TRPM6: variants seen among roughly 807,000 people sequenced by gnomAD.
TRPM6 encodes the protein transient receptor potential cation channel subfamily M member 6, also known as channel kinase 2.
In TRPM6, 111 loss-of-function variants were observed where a neutral mutation model predicts 247.6. That is an observed-to-expected ratio of 0.45 (90% CI 0.38 to 0.52). TRPM6 has a LOEUF of 0.52. Among genes scored for constraint, TRPM6 ranks in the 20% least tolerant of loss-of-function variants. The probability of loss-of-function intolerance (pLI) is 0.00; values close to 1 mark genes in which losing one functional copy is unlikely to be tolerated. For missense variants in TRPM6, 2,126 were observed against 2,421.5 expected, an observed-to-expected ratio of 0.88 and a Z score of 2.56; for synonymous variants, 892 against 853.8, an observed-to-expected ratio of 1.04 and a Z score of -0.78.
intron 13 of TRPM6, 109 bp downstream of exon 13, chr9:74,810,706 T>G (rs988871334): frequency 9.1e-5 from 86 of 949,372 alleles, no homozygotes; most frequent in Non-Finnish European, 1.3e-4. Context: ...GATAGGTAAT[T>G]AACAAAACAA....
intron 1 of TRPM6, among the ~76,000 whole-genome samples, chr9:74,877,469 C>T (rs983591293): frequency 7.2e-5 from 11 of 152,128 alleles, no homozygotes; most frequent in African/African-American, 2.4e-4. Flanking sequence ...CACTGAGTTC[C>T]ACGCACACTA....
chr9:74,794,919 A>G (rs2118982228), intron 18 of TRPM6, among the ~76,000 whole-genome samples: 1 of 130,452 alleles, frequency 7.7e-6, no homozygotes, highest in Non-Finnish European at 1.6e-5. Context: ...AATCTGATAC[A>G]CAGATTAAAA....
chr9:74,785,238 G>A (rs1827603071), intron 21 of TRPM6, among the ~76,000 whole-genome samples: 1 of 152,150 alleles, frequency 6.6e-6, no homozygotes, highest in Non-Finnish European at 1.5e-5. Context: ...CACTGAGATG[G>A]GAGGATCCCT....
At chr9:74,781,353 C>T (rs1049381218) in intron 23 of TRPM6, among the ~76,000 whole-genome samples, 3 of 151,644 alleles carry the variant, frequency 2.0e-5, no homozygotes, top group South Asian at 2.1e-4. Flanking sequence ...CTGGTCAACA[C>T]GGTGAAACCC....
At chr9:74,834,242 G>T in intron 5 of TRPM6, 120 bp from the exon 6 acceptor site, 3 of 1,214,658 alleles carry the variant, frequency 2.5e-6, no homozygotes, top group Non-Finnish European at 3.6e-6. Context: ...AGGGAGAGTT[G>T]CTGGTACAGT....
At chr9:74,820,083 T>C (rs1342119852) in intron 9 of TRPM6, 1 of 543,900 alleles carries the variant, frequency 1.8e-6, no homozygotes, top group Non-Finnish European at 3.3e-6. Flanking sequence ...TGTGCCATGG[T>C]GGTTTGCTGC....
intron 1 of TRPM6, among the ~76,000 whole-genome samples, chr9:74,862,772 A>G (rs1383095724): frequency 1.3e-5 from 2 of 152,138 alleles, no homozygotes; most frequent in African/African-American, 2.4e-5. Context: ...ACTTGAGGTC[A>G]GGAGTTCGAG....
At chr9:74,774,262 G>A (rs1319785431) in intron 24 of TRPM6, among the ~76,000 whole-genome samples, 1 of 152,098 alleles carries the variant, frequency 6.6e-6, no homozygotes, top group Non-Finnish European at 1.5e-5. Context: ...TCTTTCATGT[G>A]GTACTAGGAA....
At chr9:74,879,724 C>A (rs914782601) in intron 1 of TRPM6, among the ~76,000 whole-genome samples, 4 of 152,140 alleles carry the variant, frequency 2.6e-5, no homozygotes, top group African/African-American at 4.8e-5. Flanking sequence ...GGGTGATATG[C>A]CCAGGGAGGC....
intron 19 of TRPM6, among the ~76,000 whole-genome samples, chr9:74,789,960 C>CAAAAA (rs71368680): frequency 2.0e-4 from 13 of 65,110 alleles, no homozygotes; most frequent in African/African-American, 8.4e-4. Flanking sequence ...GACTCCATCT[C>CAAAAA]AAAAAAAAAA....
chr9:74,727,381 C>CAAAAAAAA (rs763828073), intron 38 of TRPM6, among the ~76,000 whole-genome samples: 1 of 52,240 alleles, frequency 1.9e-5, no homozygotes, highest in Non-Finnish European at 4.0e-5. Flanking sequence ...GACTCCGTCT[C>CAAAAAAAA]AAAAAAAAAA....
At chr9:74,742,456 A>G in intron 33 of TRPM6, 105 bp downstream of exon 33, 2 of 1,161,990 alleles carry the variant, frequency 1.7e-6, no homozygotes, top group East Asian at 2.5e-5. Context: ...ACTATCAACA[A>G]AACAAAATTT....
At chr9:74,794,653 A>C (rs1333169704) in intron 18 of TRPM6, among the ~76,000 whole-genome samples, 2 of 152,132 alleles carry the variant, frequency 1.3e-5, no homozygotes, top group Non-Finnish European at 2.9e-5. Context: ...TTTTTCTAGG[A>C]GTGTTTCATT....
In TRPM6 at chr9:74,739,724, C is replaced by T. The variant is rs776010618; in HGVS notation, c.5486G>A (p.Arg1829Lys). 4 of 1,611,690 alleles carry T rather than the reference C, an allele frequency of 2.5e-6. No individual in the cohort carries two copies. Among genetic ancestry groups the T allele is most frequent in the Non-Finnish European group, 2.5e-6 (3 of 1,179,990 alleles). Residue 1829 changes from arginine to lysine, a missense_variant and splice_region_variant, in exon 34 of 39, where the codon AGG becomes AAG. By Grantham distance (26) the Arg-to-Lys change is conservative. Around this residue, in one of 3 missense-constraint regions of TRPM6, gnomAD observed 327 missense variants for 397.7 expected, o/e 0.82. Transcript: ENST00000360774. ...TGGGTCTCTGAGTTTCAGACTTACC[C>T]TGAGGCAAAGATGAAGCACAGTGCT... ...QESTVLHLCLREIQQQRAAQK... is the reference protein window; with the variant it reads ...QESTVLHLCLKEIQQQRAAQK...
In TRPM6 at chr9:74,732,736, C is replaced by T; in HGVS notation, c.5777G>A (p.Gly1926Asp). ...TGGATCTGTCAAATTTTCTCCAACA[C>T]CTCAAAAGAAGAAACAAAATTCGTT... Reference protein sequence around the residue: ...RGELLVLDLQGVGENLTDPSV... With the variant: ...RGELLVLDLQDVGENLTDPSV... The change falls in exon 37 of 39, where the codon GGT (glycine) becomes GAT (aspartate). Residue 1926 changes from glycine to aspartate, a missense_variant and splice_region_variant. Physicochemically the swap from Gly to Asp is moderately conservative, Grantham distance 94. Around this residue, in one of 3 missense-constraint regions of TRPM6, gnomAD observed 327 missense variants for 397.7 expected, o/e 0.82. Transcript: ENST00000360774. 1 of 1,608,070 alleles carries T rather than the reference C, an allele frequency of 6.2e-7. No homozygotes were observed. Among genetic ancestry groups the T allele is most frequent in the Non-Finnish European group, 8.5e-7 (1 of 1,177,054 alleles).
At chr9:74,783,585 C>T (rs1171998746) in intron 21 of TRPM6, among the ~76,000 whole-genome samples, 1 of 152,162 alleles carries the variant, frequency 6.6e-6, no homozygotes, top group Admixed American at 6.6e-5. Context: ...ACAAAGGGAT[C>T]CCAGATTCCT....
intron 36 of TRPM6, chr9:74,737,305 A>C (rs1343982414): frequency 8.3e-7 from 1 of 1,205,092 alleles, no homozygotes; most frequent in Non-Finnish European, 1.1e-6. Flanking sequence ...TTTGTGTCAC[A>C]TCCTTGAGCA....
At chr9:74,813,120 G>A (rs7024831) in intron 11 of TRPM6, among the ~76,000 whole-genome samples, 55,274 of 152,006 alleles carry the variant, frequency 0.36, 13,395 homozygotes, top group African/African-American at 0.7. Flanking sequence ...TGTCCATTTA[G>A]ACTCTACCTG....
chr9:74,809,923 G>C (rs377046061), intron 13 of TRPM6, among the ~76,000 whole-genome samples: 1 of 133,090 alleles, frequency 7.5e-6, no homozygotes, highest in Admixed American at 9.0e-5. Flanking sequence ...AGGTTGCAGT[G>C]AGCCAAGATC....
Sources: gnomAD v4.1 joint callset for allele counts (sites outside exome capture counted in the v4.1 genomes callset) on GRCh38, gnomAD v4.1.1 for gene constraint, gnomAD v4.1.1 regional missense constraint, MANE v1.5 for transcripts, NCBI Gene and HGNC (gene_info 2026-07-23, HGNC 2026-07-21) for gene names.